Variants in AUNIP observed in about 807,000 individuals in gnomAD.
AUNIP encodes the protein aurora kinase A- and ninein-interacting protein.
In AUNIP, 16 loss-of-function variants were observed where a neutral mutation model predicts 12.2. That is an observed-to-expected ratio of 1.31 (90% CI 0.88 to 1.99). The LOEUF (loss-of-function observed/expected upper bound fraction) is 1.99. Among genes scored for constraint, AUNIP ranks in the 30% most tolerant of loss-of-function variants. The probability of loss-of-function intolerance (pLI) is 0.00; values close to 1 mark genes in which losing one functional copy is unlikely to be tolerated. For missense variants in AUNIP, 411 were observed against 419.1 expected, an observed-to-expected ratio of 0.98 and a Z score of 0.17; for synonymous variants, 142 against 154.8, an observed-to-expected ratio of 0.92 and a Z score of 0.61.
rs2048462263 is a variant in AUNIP, at chr1:25,856,486, A to C, written c.78+2794T>G. Among the ~76,000 whole-genome samples the C allele has an allele frequency of 2.6e-5, 4 of 151,540 alleles. No individual in the cohort carries two copies. In the South Asian group the frequency reaches 8.4e-4, roughly 32 times the overall value. On this transcript the variant is annotated intron_variant, in intron 1 of 2. Transcript: ENST00000374298. ...AGGTTGGGAGTTCAAGACCAGCCTA[A>C]CCAACATGGAGAAACCCCGTCTCTA...
chr1:25,859,310 G>T lies in AUNIP; in HGVS notation c.48C>A (p.Asp16Glu). ...PEEEACGVWL[D>E]AAALKRRKVQ... ...CTTTCCGCCTCTTCAGCGCCGCCGC[G>T]TCCAGCCACACGCCGCAGGCCTCCT... Residue 16 changes from aspartate (D) to glutamate (E), a missense_variant, in exon 1 of 3, where the codon GAC becomes GAA. Coordinates refer to ENST00000374298, the MANE Select transcript of AUNIP (RefSeq NM_024037.3). 1 of 1,575,004 alleles carries T rather than the reference G, an allele frequency of 6.3e-7. No homozygotes were observed. The highest frequency in any genetic ancestry group is 1.2e-5 in the South Asian group (1 of 85,912).
chr1:25,858,327 A>G (rs2048479722), intron 1 of AUNIP, among the ~76,000 whole-genome samples: 1 of 152,210 alleles, frequency 6.6e-6, no homozygotes, highest in African/African-American at 2.4e-5. Context: ...AAAGCACTCA[A>G]TAAAGGTTAG....
chr1:25,845,086 C>A (rs1459906162), intron 1 of AUNIP, among the ~76,000 whole-genome samples: 1 of 152,206 alleles, frequency 6.6e-6, no homozygotes, highest in African/African-American at 2.4e-5. Context: ...CTTGCTTCAA[C>A]TTCAAACCTC....
intron 1 of AUNIP, among the ~76,000 whole-genome samples, chr1:25,839,480 G>T (rs2048333747): frequency 6.6e-6 from 1 of 152,172 alleles, no homozygotes; most frequent in Non-Finnish European, 1.5e-5. Flanking sequence ...CCACTATCTG[G>T]ATAGGATGAT....
At chr1:25,843,185 A>AATAT (rs1342427424) in intron 1 of AUNIP, among the ~76,000 whole-genome samples, 4 of 124,966 alleles carry the variant, frequency 3.2e-5, no homozygotes, top group Non-Finnish European at 5.0e-5. Flanking sequence ...AAAAAAAAAA[A>AATAT]ATATATATAT....
In AUNIP at chr1:25,835,006, C is replaced by A; in HGVS notation, c.1061G>T (p.Arg354Ile). 1 of 1,608,668 alleles carries A rather than the reference C, an allele frequency of 6.2e-7. No individual in the cohort carries two copies. Among genetic ancestry groups the A allele is most frequent in the South Asian group, 1.1e-5 (1 of 90,650 alleles). Residue 354 changes from arginine (R) to isoleucine (I), a missense_variant, in exon 3 of 3, where the codon AGA becomes ATA. Physicochemically the swap from Arg to Ile is moderately conservative, Grantham distance 97. Transcript: ENST00000374298. Reference protein sequence around the residue: ...TQDSEGNQVIRHQF With the variant: ...TQDSEGNQVIIHQF ...AGCTTCAAACATTTAGAATTGGTGT[C>A]TGATAACTTGATTACCTTCAGAGTC...
chr1:25,853,165 CT>C (rs1312844518), intron 1 of AUNIP, among the ~76,000 whole-genome samples: 4 of 152,168 alleles, frequency 2.6e-5, no homozygotes. Flanking sequence ...TTGTTCAAAT[CT>C]TTTTTCCTTG....
chr1:25,850,149 C>T (rs1186883475), intron 1 of AUNIP, among the ~76,000 whole-genome samples: 2 of 152,146 alleles, frequency 1.3e-5, no homozygotes, highest in Non-Finnish European at 1.5e-5. Context: ...ATGATCACAT[C>T]AGCACTCTGG....
Position 25,834,557 on chromosome 1 carries a change from C to G in AUNIP, c.*436G>C. On this transcript the variant is annotated 3_prime_UTR_variant, in exon 3 of 3. Coordinates refer to ENST00000374298, the MANE Select transcript of AUNIP (RefSeq NM_024037.3). ...GCTTGAATCCGGGAGACAGAGGGTG[C>G]AGTGAGCTGAGGTCGCACCACTGCA... 1 of 845,936 alleles carries G rather than the reference C, an allele frequency of 1.2e-6. No homozygotes were observed. The highest frequency in any genetic ancestry group is 1.4e-6 in the Non-Finnish European group (1 of 707,824). 52.4% of individuals were successfully genotyped at this position (845,936 alleles called of 1,614,324 possible).
At chr1:25,850,738 T>C (rs1410510030) in intron 1 of AUNIP, among the ~76,000 whole-genome samples, 3 of 152,160 alleles carry the variant, frequency 2.0e-5, no homozygotes, top group Non-Finnish European at 4.4e-5. Flanking sequence ...GGAAGTACAA[T>C]TGATTTTTGT....
At chr1:25,852,448 G>GT (rs1289092185) in intron 1 of AUNIP, among the ~76,000 whole-genome samples, 1,815 of 134,632 alleles carry the variant, frequency 0.013, 79 homozygotes, top group African/African-American at 0.028. Flanking sequence ...ATTATTTAAG[G>GT]TTTTTTTTTT....
At chr1:25,851,376 G>T (rs1249794771) in intron 1 of AUNIP, among the ~76,000 whole-genome samples, 1 of 152,090 alleles carries the variant, frequency 6.6e-6, no homozygotes, top group Non-Finnish European at 1.5e-5. Flanking sequence ...AGTAATACTG[G>T]CCTCAAAATG....
chr1:25,846,521 C>T (rs2048384925), intron 1 of AUNIP, among the ~76,000 whole-genome samples: 1 of 149,586 alleles, frequency 6.7e-6, no homozygotes, highest in South Asian at 2.1e-4. Context: ...GTCAGGAGTT[C>T]AAGACCAGCC....
intron 1 of AUNIP, among the ~76,000 whole-genome samples, chr1:25,858,995 C>G (rs1241706032): frequency 6.6e-6 from 1 of 152,148 alleles, no homozygotes; most frequent in African/African-American, 2.4e-5. Context: ...GCGAACTTTC[C>G]CTCCGCCTCT....
At chr1:25,838,502 CAA>C (rs75641767) in intron 1 of AUNIP, among the ~76,000 whole-genome samples, 1 of 119,074 alleles carries the variant, frequency 8.4e-6, no homozygotes. Context: ...GACTCCGTTT[CAA>C]AAAAAAAAAA....
chr1:25,859,409 T>C lies in AUNIP; in HGVS notation c.-52A>G. The C allele has an allele frequency of 6.9e-7, 1 of 1,452,212 alleles. No homozygotes were observed. Among genetic ancestry groups the C allele is most frequent in the Non-Finnish European group, 9.0e-7 (1 of 1,106,194 alleles). 90.0% of individuals were successfully genotyped at this position (1,452,212 alleles called of 1,614,324 possible). On this transcript the variant is annotated 5_prime_UTR_variant, in exon 1 of 3. Transcript: ENST00000374298. ...GACGCCGGCGCAGGCTCCCGGCGCC[T>C]CAGGGAACGCCAGAACCGCGGCCGC...
At chr1:25,846,314 G>C (rs1475967494) in intron 1 of AUNIP, among the ~76,000 whole-genome samples, 1 of 150,974 alleles carries the variant, frequency 6.6e-6, no homozygotes, top group Non-Finnish European at 1.5e-5. Context: ...AGCTACTTGG[G>C]AGGCTGAGGC....
chr1:25,833,784 A>G (rs1038381255), downstream of AUNIP, among the ~76,000 whole-genome samples: 2 of 152,034 alleles, frequency 1.3e-5, no homozygotes, highest in Non-Finnish European at 2.9e-5. Context: ...AAAAAAAAAA[A>G]AAGAAGCAGT....
chr1:25,837,668 A>T (rs1191752640), intron 1 of AUNIP, 114 bp from the exon 2 acceptor site: 5 of 1,022,520 alleles, frequency 4.9e-6, no homozygotes, highest in Admixed American at 2.6e-5. Flanking sequence ...TCTGTACTCC[A>T]CTTATAGCCT....
Sources: gnomAD v4.1 joint callset for allele counts (sites outside exome capture counted in the v4.1 genomes callset) on GRCh38, gnomAD v4.1.1 for gene constraint, MANE v1.5 for transcripts, NCBI Gene and HGNC (gene_info 2026-07-23, HGNC 2026-07-21) for gene names.